The following ZFHX4 variants were observed in gnomAD, a reference collection of about 807,000 sequenced individuals.
ZFHX4 encodes zinc finger homeobox protein 4.
In ZFHX4, 56 loss-of-function variants were observed where a neutral mutation model predicts 267.6. That is an observed-to-expected ratio of 0.21 (90% CI 0.17 to 0.26). ZFHX4 has a LOEUF of 0.26. ZFHX4 is among the 10% of genes least tolerant of loss of function. The probability of loss-of-function intolerance (pLI) is 1.00; values close to 1 mark genes in which losing one functional copy is unlikely to be tolerated. For synonymous variants in ZFHX4, 1,778 were observed against 1,665.6 expected, an observed-to-expected ratio of 1.07 and a Z score of -1.64; for missense variants, 4,332 against 4,420.0, an observed-to-expected ratio of 0.98 and a Z score of 0.56.
At chr8:76,773,986 C>T (rs958459652) in intron 3 of ZFHX4, among the ~76,000 whole-genome samples, 2 of 152,174 alleles carry the variant, frequency 1.3e-5, no homozygotes, top group Admixed American at 6.6e-5. Flanking sequence ...TCCTCCTTTC[C>T]AAAGTGGCCC....
intron 4 of ZFHX4, among the ~76,000 whole-genome samples, chr8:76,779,152 C>T (rs1428357816): frequency 6.6e-6 from 1 of 152,188 alleles, no homozygotes. Flanking sequence ...TTAAATGAGA[C>T]GGCTGTACTT....
chr8:76,731,376 T>C (rs1405511355), intron 3 of ZFHX4, among the ~76,000 whole-genome samples: 3 of 152,046 alleles, frequency 2.0e-5, no homozygotes, highest in Non-Finnish European at 4.4e-5. Context: ...GATGTCAAGT[T>C]TGGAGATGGG....
rs769598880 is a variant in ZFHX4, at chr8:76,853,680, T to C, written c.6759T>C (p.Asp2253=). The change falls in exon 10 of 11, where the codon GAT becomes GAC. Residue 2253 remains aspartate (D), a synonymous_variant. Coordinates refer to ENST00000651372, the MANE Select transcript of ZFHX4 (RefSeq NM_024721.5). ...TTGACACAAACGCTTACCCAAAAGA[T>C]GATGAAATAGAACAACTCTCCACTG... ...DFFDTNAYPK[D]DEIEQLSTVL... The C allele has an allele frequency of 6.2e-7, 1 of 1,613,696 alleles. No homozygotes were observed. The highest frequency in any genetic ancestry group is 8.5e-7 in the Non-Finnish European group (1 of 1,179,790).
At chr8:76,743,212 A>G (rs1809368109) in intron 3 of ZFHX4, among the ~76,000 whole-genome samples, 1 of 152,156 alleles carries the variant, frequency 6.6e-6, no homozygotes, top group Non-Finnish European at 1.5e-5. Flanking sequence ...AATCTCAGAG[A>G]CTGAGCTGTG....
Position 76,704,668 on chromosome 8 carries a change from A to C in ZFHX4, c.580A>C (p.Thr194Pro). 5 of 1,613,970 alleles carry C rather than the reference A, an allele frequency of 3.1e-6. No homozygotes were observed. Among genetic ancestry groups the C allele is most frequent in the Non-Finnish European group, 4.2e-6 (5 of 1,179,876 alleles). Residue 194 changes from threonine to proline, a missense_variant, in exon 2 of 11, where the codon ACT becomes CCT. This residue lies in a region of ZFHX4 where 1,195 missense variants were observed against 1,173.6 expected (regional missense o/e 1.02). Coordinates refer to ENST00000651372, the MANE Select transcript of ZFHX4 (RefSeq NM_024721.5). ...GTCGTTCTACCCACAGATCATCAAC[A>C]CTTTTCATATCGCTTCATCCCTCGG... is the stretch of plus-strand genomic sequence containing the variant. ...PMSFYPQIIN[T>P]FHIASSLGKP...
Position 76,854,615 on chromosome 8 carries a change from C to A in ZFHX4, c.7694C>A (p.Ser2565Tyr). The change falls in exon 10 of 11, where the codon TCC (serine) becomes TAC (tyrosine). Residue 2565 changes from serine (S) to tyrosine (Y), a missense_variant. Coordinates refer to ENST00000651372, the MANE Select transcript of ZFHX4 (RefSeq NM_024721.5). The stretch of plus-strand genomic sequence containing the variant: ...ACTCAAATGCCCCCTCAGGCCAGTT[C>A]CTCCCACACCACAGCCCCCACAACG... ...SLTQMPPQAS[S>Y]SHTTAPTTVA... The A allele has an allele frequency of 6.2e-7, 1 of 1,613,734 alleles. No individual in the cohort carries two copies. The highest frequency in any genetic ancestry group is 8.5e-7 in the Non-Finnish European group (1 of 1,179,870).
Position 76,713,282 on chromosome 8 carries a change from A to AAGATAGATAGATAGAT in ZFHX4, c.3093+5255_3093+5270dup, listed in dbSNP as rs142140233. On this transcript the variant is annotated intron_variant, in intron 3 of 10. Transcript: ENST00000651372. ...ATCAAAGGATAGAGAGATAGATAGA[A>AAGATAGATAGATAGAT]AGATAGATAGATAGATAGATAGATA... 3.7e-3 allele frequency among the ~76,000 whole-genome samples: 527 copies of AAGATAGATAGATAGAT among 143,178 alleles called. 2 individuals carry two copies. Among genetic ancestry groups the AAGATAGATAGATAGAT allele is most frequent in the African/African-American group, 6.4e-3 (247 of 38,310 alleles). The allele number at this position is 143,178 out of a possible 152,430, so 93.9% of individuals were successfully genotyped here.
At chr8:76,697,689 C>T (rs923712307) in intron 1 of ZFHX4, among the ~76,000 whole-genome samples, 1 of 151,936 alleles carries the variant, frequency 6.6e-6, no homozygotes, top group African/African-American at 2.4e-5. Context: ...TAATTCTGTC[C>T]ATTATTGAGA....
At chr8:76,794,694 TA>T in intron 4 of ZFHX4, among the ~76,000 whole-genome samples, 1 of 152,190 alleles carries the variant, frequency 6.6e-6, no homozygotes, top group East Asian at 1.9e-4. Context: ...ATTTCTAGTT[TA>T]ACCTAAGTAC....
Position 76,854,966 on chromosome 8 carries a change from C to T in ZFHX4, c.8045C>T (p.Ala2682Val). 1.2e-6 allele frequency: 2 copies of T among 1,613,928 alleles called. No homozygotes were observed. The highest frequency in any genetic ancestry group is 4.5e-5 in the East Asian group (2 of 44,852). Residue 2682 changes from alanine (A) to valine (V), a missense_variant, in exon 10 of 11, where the codon GCC becomes GTC. Transcript: ENST00000651372. ...CATAAACGGTGTCCGTTTTGCCGAG[C>T]CCTGTTTAAAGCAAAGTCGGCCTTA... is the stretch of plus-strand genomic sequence containing the variant. ...QSHKRCPFCR[A>V]LFKAKSALES...
At chr8:76,753,258 T>C (rs1250296632) in intron 3 of ZFHX4, among the ~76,000 whole-genome samples, 1 of 152,200 alleles carries the variant, frequency 6.6e-6, no homozygotes. Context: ...TTTGGAATTA[T>C]ATCCCCTACC....
At chr8:76,829,239 G>A (rs1011964685) in intron 4 of ZFHX4, among the ~76,000 whole-genome samples, 2 of 130,308 alleles carry the variant, frequency 1.5e-5, no homozygotes, top group Admixed American at 9.4e-5. Context: ...AGATTTGTAT[G>A]GATTATAGTT....
chr8:76,853,633 C>T lies in ZFHX4; in HGVS notation c.6712C>T (p.Leu2238Phe), dbSNP rs1812611854. Residue 2238 changes from leucine to phenylalanine, a missense_variant, in exon 10 of 11, where the codon CTT becomes TTT. Leu to Phe is a conservative substitution (Grantham distance 22). Transcript: ENST00000651372. ...TAGAACGAGATTTACTGACTACCAG[C>T]TTAGGGTTCTGCAAGACTTTTTTGA... ...SSRTRFTDYQ[L>F]RVLQDFFDTN... The T allele has an allele frequency of 6.2e-7, 1 of 1,613,752 alleles. No homozygotes were observed. Among genetic ancestry groups the T allele is most frequent in the Non-Finnish European group, 8.5e-7 (1 of 1,179,828 alleles).
chr8:76,826,575 C>A (rs956856041), intron 4 of ZFHX4, among the ~76,000 whole-genome samples: 1 of 152,072 alleles, frequency 6.6e-6, no homozygotes, highest in Admixed American at 6.5e-5. Flanking sequence ...AGCTATGAGA[C>A]AACATTGGAT....
At chr8:76,835,226 T>C (rs1303814665) in intron 5 of ZFHX4, among the ~76,000 whole-genome samples, 1 of 101,416 alleles carries the variant, frequency 9.9e-6, no homozygotes, top group Non-Finnish European at 1.9e-5. Context: ...TATGTATATA[T>C]ATATATATAT....
intron 10 of ZFHX4, among the ~76,000 whole-genome samples, chr8:76,857,080 T>A (rs778697286): frequency 2.6e-5 from 4 of 152,272 alleles, no homozygotes; most frequent in Middle Eastern, 3.4e-3. Context: ...AGATGCTGAA[T>A]CTAATTGTGT....
chr8:76,852,665 A>T lies in ZFHX4; in HGVS notation c.5744A>T (p.Asn1915Ile). Residue 1915 changes from asparagine to isoleucine, a missense_variant, in exon 10 of 11, where the codon AAC becomes ATC. Asn to Ile is a moderately radical substitution (Grantham distance 149, BLOSUM62 -3). Coordinates refer to ENST00000651372, the MANE Select transcript of ZFHX4 (RefSeq NM_024721.5). ...RGNAAKALLE[N>I]FGFELVIQYN... ...AATGCTGCCAAAGCGTTATTGGAAA[A>T]CTTTGGTTTTGAACTGGTCATTCAG... is the stretch of plus-strand genomic sequence containing the variant. The T allele has an allele frequency of 6.2e-7, 1 of 1,613,812 alleles. No homozygotes were observed. Among genetic ancestry groups the T allele is most frequent in the Non-Finnish European group, 8.5e-7 (1 of 1,179,832 alleles).
intron 3 of ZFHX4, among the ~76,000 whole-genome samples, chr8:76,750,665 C>G (rs1212680972): frequency 6.6e-6 from 1 of 152,038 alleles, no homozygotes; most frequent in African/African-American, 2.4e-5. Flanking sequence ...ACTGTAAATT[C>G]TGTGAAATAT....
chr8:76,712,453 G>A (rs549976408), intron 3 of ZFHX4, among the ~76,000 whole-genome samples: 2 of 151,986 alleles, frequency 1.3e-5, no homozygotes, highest in Non-Finnish European at 2.9e-5. Flanking sequence ...ACAGTCACAG[G>A]TATTTTCATT....
Sources: allele counts gnomAD v4.1 joint callset (sites outside exome capture counted in the v4.1 genomes callset), GRCh38; gene constraint gnomAD v4.1.1; regional missense constraint gnomAD v4.1.1; transcripts MANE v1.5; gene names NCBI Gene and HGNC (gene_info 2026-07-23, HGNC 2026-07-21).